LIMCH1: variants seen among roughly 807,000 people sequenced by gnomAD.
LIMCH1 encodes the protein LIM and calponin homology domains 1.
In LIMCH1, 113 loss-of-function variants were observed where a neutral mutation model predicts 176.5. That is an observed-to-expected ratio of 0.64 (90% CI 0.55 to 0.75). The LOEUF (loss-of-function observed/expected upper bound fraction) is 0.75. Ranked by LOEUF, LIMCH1 falls within the 30% of genes least tolerant of loss-of-function variation. The pLI, the probability that LIMCH1 is intolerant of heterozygous loss-of-function variation, is 0.00. For synonymous variants in LIMCH1, 619 were observed against 645.9 expected (o/e 0.96, Z 0.63); for missense variants, 1,674 against 1,814.9 (o/e 0.92, Z 1.41).
At chr4:41,441,833 T>G (rs1454947325) in intron 1 of LIMCH1, among the ~76,000 whole-genome samples, 4 of 152,214 alleles carry the variant, frequency 2.6e-5, no homozygotes, top group Non-Finnish European at 1.5e-5. Flanking sequence ...AAACTAATAA[T>G]GGTATAAGCA....
At chr4:41,565,333 T>C (rs1181357857) in intron 1 of LIMCH1, among the ~76,000 whole-genome samples, 2 of 143,766 alleles carry the variant, frequency 1.4e-5, no homozygotes, top group East Asian at 4.0e-4. Context: ...AGTTAGAAGT[T>C]AGCTATTTCG....
chr4:41,360,414 C>T (rs1219399198), upstream of LIMCH1, among the ~76,000 whole-genome samples: 1 of 152,094 alleles, frequency 6.6e-6, no homozygotes, highest in Non-Finnish European at 1.5e-5. This position sits in a 1 kb window ranked among gnomAD's most constrained non-coding sequence, Gnocchi z 4.5. Flanking sequence ...ACCCATCCGC[C>T]CGCCCCTCAG....
At chr4:41,523,365 A>G (rs2076312123) in intron 2 of LIMCH1, among the ~76,000 whole-genome samples, 1 of 152,204 alleles carries the variant, frequency 6.6e-6, no homozygotes, top group African/African-American at 2.4e-5. Flanking sequence ...AGCCATAGAC[A>G]ATATGTAAAT....
At chr4:41,360,549 C>T (rs188559892), upstream of LIMCH1, 282 of 202,732 alleles carry the variant, frequency 1.4e-3, no homozygotes, top group African/African-American at 5.9e-3. The surrounding 1 kb of genome is among the most constrained non-coding windows in gnomAD (Gnocchi z 4.5). Flanking sequence ...TGTGCTCCCC[C>T]TCCCCGGGGG....
At chr4:41,561,846 C>T (rs546493607) in intron 1 of LIMCH1, among the ~76,000 whole-genome samples, 18 of 152,184 alleles carry the variant, frequency 1.2e-4, no homozygotes, top group Admixed American at 2.0e-4. Flanking sequence ...AAGAAATAGA[C>T]GGATGTCACA....
At chr4:41,638,117 G>T (rs201840353) in intron 13 of LIMCH1, among the ~76,000 whole-genome samples, 19,680 of 150,416 alleles carry the variant, frequency 0.13, 1,537 homozygotes, top group Admixed American at 0.24. Flanking sequence ...TGTTGTTGTT[G>T]TTGTTGTTGT....
chr4:41,595,323 A>G (rs1203630663), intron 1 of LIMCH1, among the ~76,000 whole-genome samples: 3 of 152,218 alleles, frequency 2.0e-5, no homozygotes, highest in Non-Finnish European at 4.4e-5. Flanking sequence ...AGGAAGGCTG[A>G]ATTCAGAATA....
intron 1 of LIMCH1, among the ~76,000 whole-genome samples, chr4:41,377,219 C>T (rs886580225): frequency 3.9e-5 from 6 of 152,148 alleles, no homozygotes; most frequent in Non-Finnish European, 7.4e-5. Flanking sequence ...CTGTGGGTTA[C>T]GTTCAAGTCT....
Position 41,662,986 on chromosome 4 carries a change from T to G in LIMCH1, c.3291+2T>G. On this transcript the variant is annotated splice_donor_variant, in intron 20 of 31. Coordinates refer to ENST00000503057, the MANE Select transcript of LIMCH1 (RefSeq NM_001330672.2). LOFTEE classifies it high-confidence loss of function. ...GTGGAGTTGGTGCTGTCACAAAAGGTGAAGTGCAGAGTGGAGGAAAGCGGT... is the reference window on the plus strand; with the variant it reads ...GTGGAGTTGGTGCTGTCACAAAAGGGGAAGTGCAGAGTGGAGGAAAGCGGT... 6.2e-7 allele frequency: 1 copy of G among 1,613,318 alleles called. No individual in the cohort carries two copies. The highest frequency in any genetic ancestry group is 8.5e-7 in the Non-Finnish European group (1 of 1,179,602).
At chr4:41,670,662 G>T (rs1384857172) in intron 21 of LIMCH1, 18 of 1,330,276 alleles carry the variant, frequency 1.4e-5, no homozygotes, top group Non-Finnish European at 1.9e-5. Flanking sequence ...GTTCTATTCA[G>T]TTCTCACCCC....
chr4:41,372,417 C>G (rs1315952654), intron 1 of LIMCH1, among the ~76,000 whole-genome samples: 2 of 152,038 alleles, frequency 1.3e-5, no homozygotes, highest in Non-Finnish European at 2.9e-5. Context: ...GGCTGGCTGT[C>G]TTAGTTTGGG....
At chr4:41,624,476 C>T (rs1475885748) in intron 7 of LIMCH1, among the ~76,000 whole-genome samples, 2 of 151,604 alleles carry the variant, frequency 1.3e-5, no homozygotes, top group Non-Finnish European at 2.9e-5. Flanking sequence ...CAGTCAGGCA[C>T]ATAACTTGCA....
chr4:41,495,236 C>A (rs1365682553), intron 2 of LIMCH1, among the ~76,000 whole-genome samples: 1 of 152,162 alleles, frequency 6.6e-6, no homozygotes, highest in Non-Finnish European at 1.5e-5. Flanking sequence ...ACGTAAATTT[C>A]AAGATTTCAA....
intron 2 of LIMCH1, among the ~76,000 whole-genome samples, chr4:41,499,712 G>A (rs1187366496): frequency 6.6e-6 from 1 of 152,168 alleles, no homozygotes; most frequent in African/African-American, 2.4e-5. Flanking sequence ...CAGCTACTCG[G>A]GAGGCTGAGG....
chr4:41,654,232 T>C (rs952602306), intron 18 of LIMCH1, among the ~76,000 whole-genome samples: 8 of 152,190 alleles, frequency 5.3e-5, no homozygotes, highest in African/African-American at 1.4e-4. Flanking sequence ...ATTTTGAATT[T>C]TGATCTTTTC....
At chr4:41,474,437 A>G (rs2154161684) in intron 1 of LIMCH1, among the ~76,000 whole-genome samples, 1 of 152,322 alleles carries the variant, frequency 6.6e-6, no homozygotes. Context: ...CAGTGAGCCA[A>G]GATCGCACCA....
At chr4:41,447,036 C>T (rs531183586) in intron 1 of LIMCH1, among the ~76,000 whole-genome samples, 1 of 152,220 alleles carries the variant, frequency 6.6e-6, no homozygotes, top group Non-Finnish European at 1.5e-5. Flanking sequence ...TGAGACCAAC[C>T]CGGGCAACAT....
intron 1 of LIMCH1, among the ~76,000 whole-genome samples, chr4:41,540,928 T>C (rs2078556607): frequency 6.6e-6 from 1 of 152,158 alleles, no homozygotes; most frequent in Non-Finnish European, 1.5e-5. Context: ...GCTGCTACGT[T>C]CCTTGTTCTC....
At position 41,620,545 on chromosome 4, in the gene LIMCH1, A is replaced by G; in HGVS notation, c.580A>G (p.Ser194Gly). 5 of 1,536,398 alleles carry G rather than the reference A, an allele frequency of 3.3e-6. No individual in the cohort carries two copies. Among genetic ancestry groups the G allele is most frequent in the Non-Finnish European group, 4.4e-6 (5 of 1,146,976 alleles). ...TGGTGGGTGTGAATTACCTGACGGC[A>G]GTGGTAAGGAGCACCCTTCTTCAGA... ...SDGGCELPDG[S>G]GKEHPSSDGA... The change falls in exon 7 of 32, where the codon AGT becomes GGT. Residue 194 changes from serine to glycine, a missense_variant. Physicochemically the swap from Ser to Gly is moderately conservative, Grantham distance 56. Transcript: ENST00000503057.
Sources: allele counts gnomAD v4.1 joint callset (sites outside exome capture counted in the v4.1 genomes callset), GRCh38; gene constraint gnomAD v4.1.1; non-coding constraint Gnocchi (gnomAD v3.1); transcripts MANE v1.5; gene names NCBI Gene and HGNC (gene_info 2026-07-23, HGNC 2026-07-21).